DPH6: variants seen among roughly 807,000 people sequenced by gnomAD.
The protein encoded by DPH6 is diphthamine biosynthesis 6.
In DPH6, 33 loss-of-function variants were observed where a neutral mutation model predicts 38.2. That is an observed-to-expected ratio of 0.86 (90% CI 0.65 to 1.15). The LOEUF is 1.15. Among genes scored for constraint, DPH6 ranks in the 50% most tolerant of loss-of-function variants. The pLI is 0.00. For missense variants in DPH6, 325 were observed against 320.0 expected (o/e 1.02, Z -0.12); for synonymous variants, 108 against 103.0 (o/e 1.05, Z -0.30).
the DPH6 span, among the ~76,000 whole-genome samples, chr15:35,185,896 C>A: frequency 6.7e-6 from 1 of 149,122 alleles, no homozygotes; most frequent in South Asian, 2.1e-4. Context: ...CCACGCCCGG[C>A]TAATTTTTTT....
chr15:35,304,516 C>T (rs957009388), intron 3 of DPH6, among the ~76,000 whole-genome samples: 13 of 152,010 alleles, frequency 8.6e-5, no homozygotes, highest in Non-Finnish European at 1.9e-4. Context: ...CATCTCTAAA[C>T]TCTCTAATTC....
At chr15:35,437,523 C>T (rs772344766) in intron 5 of DPH6, among the ~76,000 whole-genome samples, 2 of 152,172 alleles carry the variant, frequency 1.3e-5, no homozygotes, top group Non-Finnish European at 2.9e-5. Context: ...GGCTTTTGGC[C>T]TCCCTCTCCT....
At chr15:35,468,545 T>C (rs755664329) in intron 3 of DPH6, among the ~76,000 whole-genome samples, 8 of 152,034 alleles carry the variant, frequency 5.3e-5, no homozygotes, top group Non-Finnish European at 1.2e-4. Context: ...CCTTTCACGG[T>C]AGGAGCAAGG....
chr15:35,215,867 C>T (rs118075940), downstream of DPH6, among the ~76,000 whole-genome samples: 1,707 of 152,278 alleles, frequency 0.011, 38 homozygotes, highest in Non-Finnish European at 0.011. Flanking sequence ...AGGTGGGACA[C>T]GGCAAACCTG....
At chr15:35,146,213 A>C in the DPH6 span, among the ~76,000 whole-genome samples, 4 of 152,166 alleles carry the variant, frequency 2.6e-5, no homozygotes, top group Non-Finnish European at 5.9e-5. Flanking sequence ...TATGATAGAT[A>C]AAACAAAGTA....
intron 3 of DPH6, among the ~76,000 whole-genome samples, chr15:35,290,064 C>T (rs2051969969): frequency 2.0e-5 from 3 of 152,166 alleles, no homozygotes; most frequent in Admixed American, 2.0e-4. Context: ...GCCATATTAA[C>T]TAAAGTTGGA....
intron 3 of DPH6, among the ~76,000 whole-genome samples, chr15:35,460,721 T>C (rs955563430): frequency 1.3e-5 from 2 of 152,182 alleles, no homozygotes; most frequent in African/African-American, 4.8e-5. Flanking sequence ...ATGACCAAAT[T>C]AGACAAGCAG....
intron 1 of DPH6, 96 bp from the exon 2 acceptor site, chr15:35,542,603 G>T: frequency 1.7e-6 from 2 of 1,175,074 alleles, no homozygotes; most frequent in Non-Finnish European, 2.4e-6. Context: ...TCATTTACTT[G>T]ACTCTTCAGA....
At chr15:35,387,842 C>A (rs2140951575) in intron 6 of DPH6, among the ~76,000 whole-genome samples, 1 of 152,260 alleles carries the variant, frequency 6.6e-6, no homozygotes, top group East Asian at 1.9e-4. Context: ...ATTTCCGTCT[C>A]CTGCCTGATT....
intron 3 of DPH6, among the ~76,000 whole-genome samples, chr15:35,303,240 T>C (rs2052066054): frequency 1.3e-5 from 2 of 152,090 alleles, no homozygotes; most frequent in Non-Finnish European, 1.5e-5. Context: ...TCTTTAATAT[T>C]TGAACTTAAT....
At chr15:35,304,572 A>G (rs1442241607) in intron 3 of DPH6, among the ~76,000 whole-genome samples, 1 of 152,108 alleles carries the variant, frequency 6.6e-6, no homozygotes, top group Non-Finnish European at 1.5e-5. Context: ...AATATTTGAA[A>G]TGCCAAATCC....
chr15:35,464,590 T>C (rs1341542220), intron 3 of DPH6, among the ~76,000 whole-genome samples: 1 of 152,194 alleles, frequency 6.6e-6, no homozygotes, highest in Non-Finnish European at 1.5e-5. Context: ...TCTAAAAAGA[T>C]ATATAAATAA....
intron 7 of DPH6, among the ~76,000 whole-genome samples, chr15:35,378,870 T>C (rs1055390637): frequency 6.6e-6 from 1 of 152,138 alleles, no homozygotes; most frequent in Non-Finnish European, 1.5e-5. Flanking sequence ...AAATACCTAA[T>C]GTAGGTTATG....
At chr15:35,429,151 C>G (rs2053602875) in intron 5 of DPH6, among the ~76,000 whole-genome samples, 1 of 152,184 alleles carries the variant, frequency 6.6e-6, no homozygotes, top group Non-Finnish European at 1.5e-5. Flanking sequence ...CAATGTTCCA[C>G]ATTAACTCTG....
intron 3 of DPH6, among the ~76,000 whole-genome samples, chr15:35,312,324 G>C (rs548934961): frequency 1.8e-4 from 27 of 152,264 alleles, no homozygotes; most frequent in African/African-American, 6.5e-4. Flanking sequence ...GACTGAGCAA[G>C]GTTTTTCCAC....
intron 3 of DPH6, among the ~76,000 whole-genome samples, chr15:35,536,016 T>C (rs1422499743): frequency 6.6e-6 from 1 of 152,110 alleles, no homozygotes; most frequent in Non-Finnish European, 1.5e-5. Context: ...TAACCTGTTA[T>C]AAATAAATGT....
chr15:35,353,471 G>C (rs978186086), intron 3 of DPH6, among the ~76,000 whole-genome samples: 1 of 152,116 alleles, frequency 6.6e-6, no homozygotes, highest in African/African-American at 2.4e-5. Flanking sequence ...GTGTAAGGAA[G>C]GGATCCAGTT....
At chr15:35,298,544 A>G (rs1257639415) in intron 3 of DPH6, 4 of 782,190 alleles carry the variant, frequency 5.1e-6, no homozygotes, top group Non-Finnish European at 7.1e-6. Context: ...CACTTTATTA[A>G]GACACTTAAG....
At chr15:35,388,058 T>C (rs1252732783) in intron 6 of DPH6, among the ~76,000 whole-genome samples, 2 of 152,222 alleles carry the variant, frequency 1.3e-5, no homozygotes, top group Non-Finnish European at 2.9e-5. Flanking sequence ...ATGAAGGTTG[T>C]TGAATTTTGT....
Sources: gnomAD v4.1 joint callset for allele counts (sites outside exome capture counted in the v4.1 genomes callset) on GRCh38, gnomAD v4.1.1 for gene constraint, MANE v1.5 for transcripts, NCBI Gene and HGNC (gene_info 2026-07-23, HGNC 2026-07-21) for gene names.